The following ARMH3 variants were observed in gnomAD, a reference collection of about 807,000 sequenced individuals.
ARMH3 encodes the protein armadillo like helical domain containing 3.
A neutral mutation model predicts 99.1 loss-of-function variants in ARMH3; 60 were observed. The ratio of observed to expected loss-of-function variants is 0.61; its 90% CI spans 0.49 to 0.75. The LOEUF (loss-of-function observed/expected upper bound fraction) is 0.75, where lower values mean the gene tolerates loss of function less well. ARMH3 is among the 30% of genes least tolerant of loss of function. The pLI, the probability that ARMH3 is intolerant of heterozygous loss-of-function variation, is 0.00. For missense variants in ARMH3, 679 were observed against 843.1 expected (o/e 0.81, Z 2.41); for synonymous variants, 285 against 292.8 (o/e 0.97, Z 0.27).
intron 15 of ARMH3, among the ~76,000 whole-genome samples, 153 bp from the exon 16 acceptor site, chr10:101,995,508 T>C (rs1247942228): frequency 6.6e-6 from 1 of 152,254 alleles, no homozygotes; most frequent in Non-Finnish European, 1.5e-5. Context: ...ACTATAGTAA[T>C]TCTTGCTTCC....
At chr10:101,869,394 T>C (rs1161962548) in intron 24 of ARMH3, among the ~76,000 whole-genome samples, 2 of 152,192 alleles carry the variant, frequency 1.3e-5, no homozygotes, top group Admixed American at 6.6e-5. Flanking sequence ...TTTAAAAGGA[T>C]TGTAATCACA....
intron 19 of ARMH3, among the ~76,000 whole-genome samples, chr10:101,989,793 G>A (rs1283428830): frequency 2.6e-5 from 4 of 152,286 alleles, no homozygotes; most frequent in East Asian, 3.9e-4. Flanking sequence ...GGACTCTCCC[G>A]GCGAGGCCAC....
At chr10:101,960,911 A>T (rs184838571) in intron 20 of ARMH3, among the ~76,000 whole-genome samples, 1 of 151,274 alleles carries the variant, frequency 6.6e-6, no homozygotes, top group Non-Finnish European at 1.5e-5. Context: ...AAAAAAAAGA[A>T]GATTAAACAA....
chr10:101,884,596 T>G (rs896943500), intron 24 of ARMH3, among the ~76,000 whole-genome samples: 19 of 152,302 alleles, frequency 1.2e-4, no homozygotes, highest in African/African-American at 4.6e-4. Context: ...CAAAATGCCC[T>G]TACCTAATGC....
chr10:101,942,355 A>C (rs189486303), intron 22 of ARMH3, among the ~76,000 whole-genome samples: 3 of 152,244 alleles, frequency 2.0e-5, no homozygotes, highest in Non-Finnish European at 4.4e-5. Flanking sequence ...CAGTGAAAAC[A>C]GTGGTAGTAC....
chr10:101,920,343 G>A (rs1843257183), intron 23 of ARMH3, among the ~76,000 whole-genome samples: 1 of 152,204 alleles, frequency 6.6e-6, no homozygotes, highest in Non-Finnish European at 1.5e-5. Flanking sequence ...AGTTTGTCCA[G>A]AGAATTCTAA....
intron 2 of ARMH3, among the ~76,000 whole-genome samples, chr10:102,038,059 A>C (rs1334071814): frequency 1.3e-5 from 2 of 149,820 alleles, no homozygotes; most frequent in Non-Finnish European, 3.0e-5. Flanking sequence ...GGAGTTGTAT[A>C]CACCAAGCTT....
chr10:101,924,976 G>A (rs1365359569), intron 23 of ARMH3, among the ~76,000 whole-genome samples: 1 of 152,118 alleles, frequency 6.6e-6, no homozygotes, highest in African/African-American at 2.4e-5. Context: ...CCTGGCAATA[G>A]AGAGAGACTC....
chr10:102,008,015 TC>T (rs2066544574), intron 13 of ARMH3, among the ~76,000 whole-genome samples: 1 of 152,098 alleles, frequency 6.6e-6, no homozygotes, highest in Non-Finnish European at 1.5e-5. Context: ...CCACATCAGC[TC>T]TTGAGAATTA....
rs780370509 is a variant in ARMH3 at position 101,879,355 on chromosome 10, A to ATT, written c.1860+10055_1860+10056dup. Among the ~76,000 whole-genome samples the ATT allele has an allele frequency of 3.6e-4, 51 of 143,398 alleles. 1 individual carries two copies. Among genetic ancestry groups the ATT allele is most frequent in the Admixed American group, 9.9e-4 (14 of 14,202 alleles). The allele number at this position is 143,398 out of a possible 152,430, so 94.1% of individuals were successfully genotyped here. A position where few individuals can be genotyped will look rare whatever the true frequency, so the allele number is the denominator to read the frequency against. On this transcript the variant is annotated intron_variant, in intron 24 of 25. Coordinates refer to ENST00000370033, the MANE Select transcript of ARMH3 (RefSeq NM_024541.3). ...TCTACCCCAAATAATTTACATAAGA[A>ATT]TTTTTTTTTTTTTTTTTAAGTTTCA... is the stretch of plus-strand genomic sequence containing the variant.
intron 25 of ARMH3, 45 bp downstream of exon 25, chr10:101,849,731 G>A (rs1308749599): frequency 2.6e-6 from 4 of 1,521,378 alleles, no homozygotes; most frequent in South Asian, 2.3e-5. Context: ...CCCAGTGGCT[G>A]GGGGCGGGCC....
chr10:101,877,339 G>A (rs1375993853), intron 24 of ARMH3, among the ~76,000 whole-genome samples: 1 of 151,990 alleles, frequency 6.6e-6, no homozygotes, highest in East Asian at 1.9e-4. Context: ...GTCCAACCTG[G>A]GATATAGAGT....
chr10:101,891,986 C>CTTG (rs548782602), intron 23 of ARMH3, among the ~76,000 whole-genome samples: 3 of 151,794 alleles, frequency 2.0e-5, no homozygotes, highest in Admixed American at 1.3e-4. Flanking sequence ...GTGGCACACA[C>CTTG]TTGTGGTCCC....
At chr10:102,004,062 T>A (rs1359633112) in intron 14 of ARMH3, among the ~76,000 whole-genome samples, 3 of 152,146 alleles carry the variant, frequency 2.0e-5, no homozygotes, top group Non-Finnish European at 4.4e-5. Flanking sequence ...AAAACTATCT[T>A]ATATAATATG....
intron 22 of ARMH3, among the ~76,000 whole-genome samples, chr10:101,943,089 G>A (rs1844317693): frequency 6.6e-6 from 1 of 152,140 alleles, no homozygotes. Flanking sequence ...TTGGGAAGAG[G>A]AATCTAAACA....
chr10:101,992,497 A>AC (rs368009447), intron 17 of ARMH3, among the ~76,000 whole-genome samples: 1 of 143,740 alleles, frequency 7.0e-6, no homozygotes, highest in Non-Finnish European at 1.5e-5. Context: ...CCTCAATGTA[A>AC]TTTTTTTTTT....
intron 14 of ARMH3, among the ~76,000 whole-genome samples, chr10:102,002,893 G>A (rs754384372): frequency 1.5e-4 from 22 of 151,446 alleles, no homozygotes; most frequent in Non-Finnish European, 1.9e-4. Flanking sequence ...ACCGGGAGGC[G>A]GAGGTTGTAG....
chr10:101,864,079 ACAC>A lies in ARMH3; in HGVS notation c.1861-14190_1861-14188del, dbSNP rs1403480984. Among the ~76,000 whole-genome samples the A allele has an allele frequency of 1.5e-3, 151 of 97,526 alleles. 2 individuals are homozygous for A. The highest frequency in any genetic ancestry group is 5.7e-3 in the South Asian group (18 of 3,174). The allele number at this position is 97,526 out of a possible 152,430, so 64.0% of individuals were successfully genotyped here. A position where few individuals can be genotyped will look rare whatever the true frequency, so the allele number is the denominator to read the frequency against. ...CCATCTCAAAAAAAAAAAAAAAAAA[ACAC>A]ACACACACACACACACACACACACA... On this transcript the variant is annotated intron_variant, in intron 24 of 25. Transcript: ENST00000370033.
At chr10:101,905,835 T>A (rs1263744626) in intron 23 of ARMH3, among the ~76,000 whole-genome samples, 1 of 152,222 alleles carries the variant, frequency 6.6e-6, no homozygotes, top group Non-Finnish European at 1.5e-5. Flanking sequence ...CGCTGAATGC[T>A]TATATACCTA....
Sources: allele counts gnomAD v4.1 joint callset (sites outside exome capture counted in the v4.1 genomes callset), GRCh38; gene constraint gnomAD v4.1.1; transcripts MANE v1.5; gene names NCBI Gene and HGNC (gene_info 2026-07-23, HGNC 2026-07-21).